Variants in CTSC observed in about 807,000 individuals in gnomAD.
CTSC encodes dipeptidyl peptidase 1.
A neutral mutation model predicts 40.9 loss-of-function variants in CTSC; 37 were observed. The observed-to-expected ratio is 0.91, with a 90% CI of 0.70 to 1.19. The LOEUF is 1.19. Among genes scored for constraint, CTSC ranks in the 50% most tolerant of loss-of-function variants. The pLI is 0.00. For missense variants in CTSC, 594 were observed against 567.3 expected (o/e 1.05, Z -0.48); for synonymous variants, 232 against 207.4 (o/e 1.12, Z -1.02).
At chr11:88,307,556 CTTTTTT>C (rs5793311) in intron 4 of CTSC, among the ~76,000 whole-genome samples, 1 of 73,488 alleles carries the variant, frequency 1.4e-5, no homozygotes. Context: ...ATACTGATAA[CTTTTTT>C]TTTTTTTTTT....
chr11:88,312,301 A>G (rs1937780103), intron 3 of CTSC, 87 bp downstream of exon 3: 1 of 1,300,394 alleles, frequency 7.7e-7, no homozygotes, highest in East Asian at 2.3e-5. Flanking sequence ...ATTTTGTATA[A>G]TCAAACTAAA....
chr11:88,310,246 T>C (rs1444105806), intron 3 of CTSC, among the ~76,000 whole-genome samples: 2 of 151,752 alleles, frequency 1.3e-5, no homozygotes, highest in South Asian at 2.1e-4. Flanking sequence ...CTGAGCCACA[T>C]TGGTTTACCT....
chr11:88,296,310 TCA>T (rs1306550003), intron 5 of CTSC, 46 bp from the exon 6 acceptor site: 2 of 1,610,090 alleles, frequency 1.2e-6, no homozygotes, highest in African/African-American at 1.3e-5. Context: ...ATCTGAAGCC[TCA>T]CAGAGAATCA....
chr11:88,328,136 A>G (rs368657089), intron 2 of CTSC: 17 of 1,613,720 alleles, frequency 1.1e-5, no homozygotes, highest in Admixed American at 3.3e-5. Context: ...AGATGTGGCA[A>G]ATCATATATC....
At chr11:88,316,475 C>CTAAATTAAATAAATAAA (rs1555029117) in intron 2 of CTSC, among the ~76,000 whole-genome samples, 3 of 145,022 alleles carry the variant, frequency 2.1e-5, no homozygotes, top group African/African-American at 7.6e-5. Flanking sequence ...GATCCATTCT[C>CTAAATTAAATAAATAAA]TAAATAAATA....
chr11:88,326,416 G>C (rs1938189714), intron 2 of CTSC: 1 of 1,613,484 alleles, frequency 6.2e-7, no homozygotes, highest in Non-Finnish European at 8.5e-7. Context: ...TTTTAAAAGA[G>C]TCCCTCAACA....
intron 5 of CTSC, among the ~76,000 whole-genome samples, chr11:88,300,092 G>C (rs1177141720): frequency 6.6e-6 from 1 of 152,108 alleles, no homozygotes; most frequent in Non-Finnish European, 1.5e-5. Context: ...AATAATTTAA[G>C]GATTTATTTT....
In CTSC at chr11:88,312,482, C is replaced by T. The variant is rs201920119; in HGVS notation, c.391G>A (p.Gly131Ser). Reference protein sequence around the residue: ...TMTGWVHDVLGRNWACFTGKK... With the variant: ...TMTGWVHDVLSRNWACFTGKK... ...CCGGTGAAACAAGCCCAGTTCCGGC[C>T]CAACACATCATGCACCCACCCAGTC... Residue 131 changes from glycine to serine, a missense_variant, in exon 3 of 7, where the codon GGC (glycine) becomes AGC (serine). Coordinates refer to ENST00000227266, the MANE Select transcript of CTSC (RefSeq NM_001814.6). 1 of 1,614,156 alleles carries T rather than the reference C, an allele frequency of 6.2e-7. No individual in the cohort carries two copies.
rs767075288 is a variant in CTSC at position 88,294,160 on chromosome 11, C to T, written c.1238G>A (p.Gly413Asp). 4 of 1,613,718 alleles carry T rather than the reference C, an allele frequency of 2.5e-6. No individual in the cohort carries two copies. Among genetic ancestry groups the T allele is most frequent in the Admixed American group, 3.3e-5 (2 of 59,906 alleles). ...TNHAVLLVGY[G>D]TDSASGMDYW... ...ATCCATCCCAGAGGCTGAGTCAGTG[C>T]CATAGCCCACAAGCAGAACAGCATG... The change falls in exon 7 of 7, where the codon GGC becomes GAC. Residue 413 changes from glycine to aspartate, a missense_variant. Gly to Asp is a moderately conservative substitution (Grantham distance 94). Transcript: ENST00000227266.
chr11:88,334,996 T>C lies in CTSC; in HGVS notation c.259A>G (p.Ile87Val), dbSNP rs45447392. 1.2e-4 allele frequency: 188 copies of C among 1,611,284 alleles called. No homozygotes were observed. The highest frequency in any genetic ancestry group is 1.5e-4 in the Non-Finnish European group (178 of 1,177,938). Residue 87 changes from isoleucine to valine, a missense_variant, in exon 2 of 7, where the codon ATT (isoleucine) becomes GTT (valine). Coordinates refer to ENST00000227266, the MANE Select transcript of CTSC (RefSeq NM_001814.6). ...DLGNSGHFTI[I>V]YNQGFEIVLN... ...ACAATCTCAAAGCCTTGGTTGTAAA[T>C]GATGGTGAAATGGCCAGAATTGCCA...
At chr11:88,320,751 G>A (rs1245298839) in intron 2 of CTSC, 11 of 930,050 alleles carry the variant, frequency 1.2e-5, no homozygotes, top group Non-Finnish European at 1.4e-5. Flanking sequence ...GCCCACCATA[G>A]CCTCTAAGGA....
chr11:88,328,407 A>T (rs1056493342), intron 2 of CTSC, among the ~76,000 whole-genome samples: 2 of 152,242 alleles, frequency 1.3e-5, no homozygotes, highest in East Asian at 3.8e-4. Flanking sequence ...TCCAAATTTT[A>T]AAAAGTATAC....
At chr11:88,334,796 C>G in intron 2 of CTSC, 141 bp downstream of exon 2, 1 of 666,698 alleles carries the variant, frequency 1.5e-6, no homozygotes, top group South Asian at 1.8e-5. Context: ...ATTATACCAA[C>G]TACTACTACT....
At chr11:88,302,701 C>T (rs957634365) in intron 4 of CTSC, among the ~76,000 whole-genome samples, 4 of 147,772 alleles carry the variant, frequency 2.7e-5, no homozygotes, top group African/African-American at 5.0e-5. Context: ...AAAACAACAA[C>T]GATTTCTTCA....
At chr11:88,307,649 G>C (rs1937664668) in intron 4 of CTSC, among the ~76,000 whole-genome samples, 1 of 149,552 alleles carries the variant, frequency 6.7e-6, no homozygotes, top group South Asian at 2.1e-4. Context: ...AGTTACTGTA[G>C]GCAAGTTGAG....
At chr11:88,328,578 G>C (rs748448719) in intron 2 of CTSC, among the ~76,000 whole-genome samples, 3 of 152,166 alleles carry the variant, frequency 2.0e-5, no homozygotes, top group Non-Finnish European at 4.4e-5. Flanking sequence ...AGCACACAAA[G>C]TGAGAAATTA....
intron 2 of CTSC, 185 bp downstream of exon 2, chr11:88,334,752 C>T: frequency 1.7e-6 from 1 of 576,654 alleles, no homozygotes; most frequent in Non-Finnish European, 3.1e-6. Flanking sequence ...TTTTGTAAAC[C>T]TACTAAAATC....
chr11:88,336,082 G>C (rs2134829829), intron 1 of CTSC, among the ~76,000 whole-genome samples: 1 of 152,210 alleles, frequency 6.6e-6, no homozygotes, highest in East Asian at 1.9e-4. Flanking sequence ...TTTATAGGCA[G>C]AGCCTTCCTG....
chr11:88,335,126 AT>A, intron 1 of CTSC, 44 bp from the exon 2 acceptor site: 1 of 1,276,028 alleles, frequency 7.8e-7, no homozygotes, highest in Non-Finnish European at 1.1e-6. Flanking sequence ...AATTATTTGG[AT>A]TTCAATAGGG....
Sources: allele counts gnomAD v4.1 joint callset (sites outside exome capture counted in the v4.1 genomes callset), GRCh38; gene constraint gnomAD v4.1.1; transcripts MANE v1.5; gene names NCBI Gene and HGNC (gene_info 2026-07-23, HGNC 2026-07-21).